The following RBFOX1 variants were observed in gnomAD, a reference collection of about 807,000 sequenced individuals.
RBFOX1 encodes RNA binding fox-1 homolog 1, also known as RNA binding protein fox-1 homolog 1.
RBFOX1 carries 8 observed loss-of-function variants against 57.7 expected under a neutral mutation model. The ratio of observed to expected loss-of-function variants is 0.14; its 90% CI spans 0.08 to 0.25. The LOEUF is 0.25. Among genes scored for constraint, RBFOX1 ranks in the 10% least tolerant of loss-of-function variants. The probability of loss-of-function intolerance (pLI) is 1.00; values close to 1 mark genes in which losing one functional copy is unlikely to be tolerated. For synonymous variants in RBFOX1, 326 were observed against 222.4 expected (o/e 1.47, Z -4.15); for missense variants, 611 against 548.5 (o/e 1.11, Z -1.14).
At chr16:5,908,103 T>C (rs2058509337) in intron 4 of RBFOX1, among the ~76,000 whole-genome samples, 1 of 142,626 alleles carries the variant, frequency 7.0e-6, no homozygotes, top group African/African-American at 2.9e-5. Context: ...TATACACATA[T>C]ATATATACAC....
intron 3 of RBFOX1, among the ~76,000 whole-genome samples, chr16:5,757,634 C>T (rs979265478): frequency 6.6e-6 from 1 of 151,892 alleles, no homozygotes; most frequent in East Asian, 1.9e-4. Flanking sequence ...GTGGTGTAGA[C>T]GTGACCCAGG....
At chr16:5,935,520 C>T (rs746856861) in intron 4 of RBFOX1, among the ~76,000 whole-genome samples, 35 of 152,170 alleles carry the variant, frequency 2.3e-4, no homozygotes, top group African/African-American at 3.9e-4. Flanking sequence ...TGATTAGGGC[C>T]GGTGGACAGT....
chr16:5,250,845 C>T (rs2151077416), intron 1 of RBFOX1, among the ~76,000 whole-genome samples: 1 of 152,304 alleles, frequency 6.6e-6, no homozygotes, highest in South Asian at 2.1e-4. Flanking sequence ...TCCTCACACA[C>T]ATCACTTGGT....
intron 3 of RBFOX1, among the ~76,000 whole-genome samples, chr16:6,728,611 C>A (rs4786112): frequency 1.1e-4 from 17 of 152,246 alleles, no homozygotes; most frequent in East Asian, 9.7e-4. Context: ...CAGAAGCTGC[C>A]TCATATTGGA....
At chr16:7,396,711 G>A (rs1223724318) in intron 4 of RBFOX1, among the ~76,000 whole-genome samples, 2 of 152,168 alleles carry the variant, frequency 1.3e-5, no homozygotes, top group African/African-American at 4.8e-5. Flanking sequence ...AGGCTGAGGT[G>A]GGTGGATCAC....
At chr16:7,394,805 C>T (rs1419563160) in intron 4 of RBFOX1, among the ~76,000 whole-genome samples, 2 of 152,204 alleles carry the variant, frequency 1.3e-5, no homozygotes, top group African/African-American at 4.8e-5. Flanking sequence ...CAGATCGCTG[C>T]TGCAGACTCA....
intron 1 of RBFOX1, among the ~76,000 whole-genome samples, chr16:6,043,119 A>C (rs540630199): frequency 1.1e-4 from 8 of 70,190 alleles, no homozygotes; most frequent in African/African-American, 5.2e-4. Context: ...TTGTGTTTCC[A>C]GAAAAAAAAA....
chr16:5,800,201 G>C (rs1045636881), intron 3 of RBFOX1, among the ~76,000 whole-genome samples: 1 of 152,146 alleles, frequency 6.6e-6, no homozygotes, highest in African/African-American at 2.4e-5. Context: ...GGAAGGGGAA[G>C]TATACACCCA....
At chr16:5,433,384 C>T (rs868287910) in intron 1 of RBFOX1, among the ~76,000 whole-genome samples, 18 of 152,262 alleles carry the variant, frequency 1.2e-4, no homozygotes, top group Middle Eastern at 3.4e-3. Context: ...GAATTTGAAG[C>T]CACATGCGTG....
intron 1 of RBFOX1, among the ~76,000 whole-genome samples, chr16:6,146,156 T>A (rs1025558157): frequency 2.0e-5 from 3 of 152,134 alleles, no homozygotes; most frequent in Non-Finnish European, 1.5e-5. Flanking sequence ...CAAACATTTG[T>A]TGAATTCCCA....
At chr16:5,357,245 C>A (rs569192869) in intron 1 of RBFOX1, among the ~76,000 whole-genome samples, 1 of 152,206 alleles carries the variant, frequency 6.6e-6, no homozygotes, top group Non-Finnish European at 1.5e-5. Context: ...CTGGGGCATT[C>A]TCCTTGGCCA....
At chr16:6,863,146 G>T in intron 3 of RBFOX1, among the ~76,000 whole-genome samples, 1 of 152,150 alleles carries the variant, frequency 6.6e-6, no homozygotes, top group South Asian at 2.1e-4. Flanking sequence ...TAATAAGCAG[G>T]GGATCAAAAG....
At chr16:7,666,889 C>T (rs1025971403) in intron 13 of RBFOX1, among the ~76,000 whole-genome samples, 3 of 152,124 alleles carry the variant, frequency 2.0e-5, no homozygotes, top group Non-Finnish European at 2.9e-5. Flanking sequence ...CTGGGTGCAG[C>T]GGTGCAGCTC....
In RBFOX1 at chr16:6,026,491, C is replaced by T. The variant is rs1437066836; in HGVS notation, c.-127+6499C>T. Among the ~76,000 whole-genome samples the T allele has an allele frequency of 4.6e-5, 7 of 152,324 alleles. No individual in the cohort carries two copies. The Middle Eastern group carries it at 0.01, about 222-fold the overall frequency. On this transcript the variant is annotated intron_variant, in intron 1 of 15. Transcript: ENST00000550418. Reference sequence around the variant, plus strand: ...CAGTCTGAGTCCACAGCCCCTGATGCTCATCACTGTGCACATGGCCTCTTT... The same window carrying T: ...CAGTCTGAGTCCACAGCCCCTGATGTTCATCACTGTGCACATGGCCTCTTT...
At chr16:5,256,623 G>C (rs376491153) in intron 1 of RBFOX1, among the ~76,000 whole-genome samples, 1 of 152,048 alleles carries the variant, frequency 6.6e-6, no homozygotes, top group African/African-American at 2.4e-5. Flanking sequence ...ACTGGACCTC[G>C]AAGCTTTCTA....
intron 1 of RBFOX1, among the ~76,000 whole-genome samples, chr16:6,063,472 C>G (rs1167568869): frequency 2.8e-5 from 2 of 71,750 alleles, no homozygotes; most frequent in Non-Finnish European, 6.3e-5. Context: ...CCGACACACA[C>G]ACACACACAC....
chr16:7,404,014 C>G (rs892919591), intron 4 of RBFOX1, among the ~76,000 whole-genome samples: 3 of 91,738 alleles, frequency 3.3e-5, no homozygotes, highest in Non-Finnish European at 7.9e-5. Context: ...GAGTGCATAT[C>G]CTGATTTCAT....
chr16:5,910,561 G>A (rs1171968643), intron 4 of RBFOX1, among the ~76,000 whole-genome samples: 1 of 152,188 alleles, frequency 6.6e-6, no homozygotes. Flanking sequence ...TTATTGGAGT[G>A]GAGGAAGGTG....
chr16:7,486,117 CTTTTTTTTT>C lies in RBFOX1; in HGVS notation c.28-32015_28-32007del, dbSNP rs61448458. ...TCTGTGGGTATTTGTGTGTTTGTGT[CTTTTTTTTT>C]TTTTTTTTTTTTTTGAGATGGAGTC... is the stretch of plus-strand genomic sequence containing the variant. On this transcript the variant is annotated intron_variant, in intron 4 of 15. Coordinates refer to ENST00000550418, the MANE Select transcript of RBFOX1 (RefSeq NM_018723.4). Among the ~76,000 whole-genome samples, 49 of 77,338 alleles carry C rather than the reference CTTTTTTTTT, an allele frequency of 6.3e-4. 2 individuals carry two copies. Among genetic ancestry groups the C allele is most frequent in the Non-Finnish European group, 7.0e-5 (3 of 42,940 alleles). The allele number at this position is 77,338 out of a possible 152,430, so 50.7% of individuals were successfully genotyped here.
Sources: allele counts gnomAD v4.1 joint callset (sites outside exome capture counted in the v4.1 genomes callset), GRCh38; gene constraint gnomAD v4.1.1; transcripts MANE v1.5; gene names NCBI Gene and HGNC (gene_info 2026-07-23, HGNC 2026-07-21).